The following SLC6A5 variants were observed in gnomAD, a reference collection of about 807,000 sequenced individuals.
SLC6A5 encodes the protein solute carrier family 6 member 5.
A neutral mutation model predicts 90.5 loss-of-function variants in SLC6A5; 58 were observed. That is an observed-to-expected ratio of 0.64 (90% CI 0.52 to 0.80). SLC6A5 has a LOEUF of 0.80. Ranked by LOEUF, SLC6A5 falls within the 30% of genes least tolerant of loss-of-function variation. The probability of loss-of-function intolerance (pLI) is 0.00; values close to 1 mark genes in which losing one functional copy is unlikely to be tolerated. For missense variants in SLC6A5, 1,015 were observed against 1,017.6 expected, an observed-to-expected ratio of 1.00 and a Z score of 0.03; for synonymous variants, 427 against 401.4, an observed-to-expected ratio of 1.06 and a Z score of -0.76.
At chr11:20,614,123 T>C (rs1359092250) in intron 5 of SLC6A5, among the ~76,000 whole-genome samples, 1 of 152,146 alleles carries the variant, frequency 6.6e-6, no homozygotes, top group Non-Finnish European at 1.5e-5. Flanking sequence ...ACTTACTAAA[T>C]GTGGTGCCAG....
chr11:20,637,161 C>T lies in SLC6A5; in HGVS notation c.1738-11C>T, dbSNP rs1316043552. The T allele has an allele frequency of 6.2e-7, 1 of 1,613,796 alleles. No individual in the cohort carries two copies. The highest frequency in any genetic ancestry group is 1.1e-5 in the South Asian group (1 of 91,060). On this transcript the variant is annotated splice_polypyrimidine_tract_variant and intron_variant, in intron 11 of 15. Transcript: ENST00000525748. Reference sequence around the variant, plus strand: ...TTTGACTCAGATGTTCATTTCCTGACACGGTTCCAGTTTGCCACCATCGAG... The same window carrying T: ...TTTGACTCAGATGTTCATTTCCTGATACGGTTCCAGTTTGCCACCATCGAG...
chr11:20,634,647 T>G (rs74813010), intron 10 of SLC6A5, among the ~76,000 whole-genome samples: 1 of 152,172 alleles, frequency 6.6e-6, no homozygotes, highest in Non-Finnish European at 1.5e-5. Flanking sequence ...TCTTTTACGG[T>G]TCACATAGGG....
chr11:20,599,665 T>A lies in SLC6A5; in HGVS notation c.-8T>A. 6.2e-7 allele frequency: 1 copy of A among 1,614,108 alleles called. No individual in the cohort carries two copies. The highest frequency in any genetic ancestry group is 2.2e-5 in the East Asian group (1 of 44,874). On this transcript the variant is annotated 5_prime_UTR_variant, in exon 1 of 16. Coordinates refer to ENST00000525748, the MANE Select transcript of SLC6A5 (RefSeq NM_004211.5). ...CTCCACCAGTTCAGTCTGTTGCCTGTGTCAGACATGGTGAGTGTTTGCTTT... is the reference window on the plus strand; with the variant it reads ...CTCCACCAGTTCAGTCTGTTGCCTGAGTCAGACATGGTGAGTGTTTGCTTT...
At chr11:20,636,486 G>A (rs1853210737) in intron 11 of SLC6A5, 67 bp downstream of exon 11, 1 of 1,006,582 alleles carries the variant, frequency 9.9e-7, no homozygotes, top group Non-Finnish European at 1.6e-6. Flanking sequence ...CCTGGGTCCT[G>A]GGTTCACCCT....
intron 10 of SLC6A5, among the ~76,000 whole-genome samples, chr11:20,631,162 G>T (rs1164233030): frequency 6.6e-6 from 1 of 152,212 alleles, no homozygotes; most frequent in Admixed American, 6.5e-5. Context: ...CATTGCCTCA[G>T]GAGCTGATGT....
At chr11:20,641,494 A>AC (rs1240498281) in intron 13 of SLC6A5, among the ~76,000 whole-genome samples, 2 of 150,544 alleles carry the variant, frequency 1.3e-5, no homozygotes. Flanking sequence ...AAAGTACAAA[A>AC]CCCCCCAAAA....
At chr11:20,634,883 C>G (rs1054877392) in intron 10 of SLC6A5, among the ~76,000 whole-genome samples, 1 of 152,152 alleles carries the variant, frequency 6.6e-6, no homozygotes. Flanking sequence ...ATTATCCCGG[C>G]GCCCACATTC....
chr11:20,637,045 G>A (rs2133809216), intron 11 of SLC6A5, 127 bp from the exon 12 acceptor site: 1 of 970,166 alleles, frequency 1.0e-6, no homozygotes, highest in South Asian at 1.3e-5. Flanking sequence ...CCCATTGAGG[G>A]AATGCCATCC....
At chr11:20,628,148 A>T in intron 9 of SLC6A5, 65 bp downstream of exon 9, 1 of 1,278,860 alleles carries the variant, frequency 7.8e-7, no homozygotes, top group South Asian at 1.2e-5. Context: ...GGACTGAGTT[A>T]TCAGACACCT....
chr11:20,609,576 G>A (rs941286242), intron 5 of SLC6A5, among the ~76,000 whole-genome samples: 19 of 152,170 alleles, frequency 1.2e-4, no homozygotes, highest in Non-Finnish European at 2.4e-4. Flanking sequence ...TTCCTTAAGA[G>A]ATGGATAAAC....
At chr11:20,621,618 T>C (rs1281814557) in intron 7 of SLC6A5, among the ~76,000 whole-genome samples, 1 of 152,236 alleles carries the variant, frequency 6.6e-6, no homozygotes, top group Non-Finnish European at 1.5e-5. Flanking sequence ...TGCCCTGGGC[T>C]GTGCAGACAT....
chr11:20,629,277 A>C (rs1345963382), intron 9 of SLC6A5: 1 of 151,736 alleles, frequency 6.6e-6, no homozygotes, highest in Admixed American at 6.6e-5. Context: ...GTGTGTCCCA[A>C]CTCCAGGCTA....
intron 1 of SLC6A5, among the ~76,000 whole-genome samples, chr11:20,600,623 G>T (rs1363617570): frequency 6.6e-5 from 10 of 152,160 alleles, no homozygotes; most frequent in Non-Finnish European, 1.5e-4. Context: ...GTGGAGCGCT[G>T]GGACTCAACC....
chr11:20,609,962 G>C lies in SLC6A5; in HGVS notation c.985+2310G>C, dbSNP rs80235780. On this transcript the variant is annotated intron_variant, in intron 5 of 15. Transcript: ENST00000525748. ...ATGGAGAATGACTAGTCTGTGCCCTGTCAAGTGAGACCAGCGGCTTTACGT... is the reference window on the plus strand; with the variant it reads ...ATGGAGAATGACTAGTCTGTGCCCTCTCAAGTGAGACCAGCGGCTTTACGT... Among the ~76,000 whole-genome samples the C allele has an allele frequency of 6.6e-3, 1,012 of 152,336 alleles. 10 individuals are homozygous for C. The highest frequency in any genetic ancestry group is 0.023 in the African/African-American group (958 of 41,574).
intron 7 of SLC6A5, among the ~76,000 whole-genome samples, chr11:20,625,826 C>T (rs1294621133): frequency 6.6e-6 from 1 of 152,232 alleles, no homozygotes; most frequent in Admixed American, 6.5e-5. Flanking sequence ...GTGTCATCTC[C>T]ATGAACGTCT....
intron 7 of SLC6A5, among the ~76,000 whole-genome samples, chr11:20,618,765 C>T (rs7929586): frequency 0.11 from 16,545 of 151,954 alleles, 976 homozygotes; most frequent in Middle Eastern, 0.17. Flanking sequence ...GGTGAAACCC[C>T]GTCTCTATGA....
At chr11:20,615,738 C>T (rs904551497) in intron 6 of SLC6A5, among the ~76,000 whole-genome samples, 1 of 151,396 alleles carries the variant, frequency 6.6e-6, no homozygotes, top group African/African-American at 2.4e-5. Context: ...TGTTCTCTAG[C>T]TAAACTTTAA....
chr11:20,644,387 T>C (rs757550196), intron 13 of SLC6A5, among the ~76,000 whole-genome samples: 3 of 152,222 alleles, frequency 2.0e-5, no homozygotes, highest in Non-Finnish European at 4.4e-5. Flanking sequence ...TCCTCCAGGT[T>C]CATGTTATCA....
intron 10 of SLC6A5, among the ~76,000 whole-genome samples, chr11:20,631,793 G>T (rs888795792): frequency 6.6e-6 from 1 of 152,302 alleles, no homozygotes; most frequent in African/African-American, 2.4e-5. Context: ...TTCCTTCAAG[G>T]AGCTGACTGC....
Sources: allele counts gnomAD v4.1 joint callset (sites outside exome capture counted in the v4.1 genomes callset), GRCh38; gene constraint gnomAD v4.1.1; transcripts MANE v1.5; gene names NCBI Gene and HGNC (gene_info 2026-07-23, HGNC 2026-07-21).